The following CYP1A2 variants were observed in gnomAD, a reference collection of about 807,000 sequenced individuals.
CYP1A2 encodes cytochrome P450 1A2.
CYP1A2 carries 35 observed loss-of-function variants against 34.7 expected under a neutral mutation model. The ratio of observed to expected loss-of-function variants is 1.01; its 90% confidence interval spans 0.77 to 1.34. CYP1A2 has a LOEUF of 1.34. Among genes scored for constraint, CYP1A2 ranks in the 40% most tolerant of loss-of-function variants. The pLI, the probability that CYP1A2 is intolerant of heterozygous loss-of-function variation, is 0.00. For synonymous variants in CYP1A2, 288 were observed against 281.9 expected, an observed-to-expected ratio of 1.02 and a Z score of -0.22; for missense variants, 675 against 675.8, an observed-to-expected ratio of 1.00 and a Z score of 0.01.
At chr15:74,751,346 CCTGCTGTT>C (rs1165481762) in intron 3 of CYP1A2, 37 bp downstream of exon 3, 9 of 1,611,412 alleles carry the variant, frequency 5.6e-6, no homozygotes, top group Non-Finnish European at 7.6e-6. Context: ...TCCAACAATG[CCTGCTGTT>C]CACCCACAGC....
At chr15:74,751,662 C>A in intron 3 of CYP1A2, 103 bp from the exon 4 acceptor site, 1 of 1,183,016 alleles carries the variant, frequency 8.5e-7, no homozygotes, top group Non-Finnish European at 1.2e-6. Context: ...AGGCTAGGGC[C>A]AGAGAAAGCT....
intron 3 of CYP1A2, among the ~76,000 whole-genome samples, chr15:74,751,556 G>C (rs143201177): frequency 6.6e-6 from 1 of 152,332 alleles, no homozygotes; most frequent in Non-Finnish European, 1.5e-5. Context: ...TCTCTGGCCT[G>C]TAAGTCTAGG....
chr15:74,753,178 C>T lies in CYP1A2; in HGVS notation c.1167-6C>T, dbSNP rs748970784. On this transcript the variant is annotated splice_polypyrimidine_tract_variant and splice_region_variant and intron_variant, in intron 5 of 6. Coordinates refer to ENST00000343932, the MANE Select transcript of CYP1A2 (RefSeq NM_000761.5). ...TGAGCCTCACAGTGCCCTCTTCCCTCCTCAGCACAACAAGGGACACAACGC... is the reference window on the plus strand; with the variant it reads ...TGAGCCTCACAGTGCCCTCTTCCCTTCTCAGCACAACAAGGGACACAACGC... The T allele has an allele frequency of 6.8e-6, 11 of 1,612,950 alleles. No individual in the cohort carries two copies. The highest frequency in any genetic ancestry group is 9.3e-6 in the Non-Finnish European group (11 of 1,179,254).
chr15:74,750,685 G>A, intron 2 of CYP1A2, 116 bp downstream of exon 2: 3 of 844,756 alleles, frequency 3.6e-6, no homozygotes, highest in Non-Finnish European at 5.6e-6. Flanking sequence ...GGAAGGCTCT[G>A]GACACCTCAG....
In CYP1A2 at chr15:74,751,201, G is replaced by A. The variant is rs746644895; in HGVS notation, c.844G>A (p.Asp282Asn). 1 of 1,614,064 alleles carries A rather than the reference G, an allele frequency of 6.2e-7. No homozygotes were observed. The highest frequency in any genetic ancestry group is 8.5e-7 in the Non-Finnish European group (1 of 1,179,988). The change falls in exon 3 of 7, where the codon GAC (aspartate) becomes AAC (asparagine). Residue 282 changes from aspartate to asparagine, a missense_variant. Transcript: ENST00000343932. ...YQDFDKNSVR[D>N]ITGALFKHSK... ...TGTGCCCCCTCAGAACAGTGTCCGG[G>A]ACATCACGGGTGCCCTGTTCAAGCA...
In CYP1A2 at chr15:74,754,827, G is replaced by C; in HGVS notation, c.1290G>C (p.Glu430Asp). The C allele has an allele frequency of 1.9e-6, 3 of 1,614,128 alleles. No individual in the cohort carries two copies. The highest frequency in any genetic ancestry group is 2.5e-6 in the Non-Finnish European group (3 of 1,179,984). The stretch of plus-strand genomic sequence containing the variant: ...AGGACCCCTCTGAGTTCCGGCCTGA[G>C]CGGTTCCTCACCGCCGATGGCACTG... ...LWEDPSEFRP[E>D]RFLTADGTAI... is the part of the protein sequence containing the mutation. The change falls in exon 7 of 7, where the codon GAG becomes GAC. Residue 430 changes from glutamate to aspartate, a missense_variant. Glu to Asp is a conservative substitution (Grantham distance 45). Transcript: ENST00000343932.
rs45565238 is a variant in CYP1A2 at position 74,749,955 on chromosome 15, G to A, written c.217G>A (p.Gly73Arg). The change falls in exon 2 of 7, where the codon GGG becomes AGG. Residue 73 changes from glycine (G) to arginine (R), a missense_variant. Coordinates refer to ENST00000343932, the MANE Select transcript of CYP1A2 (RefSeq NM_000761.5). The stretch of plus-strand genomic sequence containing the variant: ...ACTGTCAAGGATGAGCCAGCGCTAC[G>A]GGGACGTCCTGCAGATCCGCATTGG... ...LALSRMSQRY[G>R]DVLQIRIGST... The A allele has an allele frequency of 4.7e-4, 757 of 1,613,904 alleles. 2 individuals are homozygous for A. Among genetic ancestry groups the A allele is most frequent in the African/African-American group, 2.1e-3 (160 of 75,052 alleles).
chr15:74,750,350 C>G lies in CYP1A2; in HGVS notation c.612C>G (p.Cys204Trp). The change falls in exon 2 of 7, where the codon TGC becomes TGG. Residue 204 changes from cysteine to tryptophan, a missense_variant. Transcript: ENST00000343932. ...VSVANVIGAM[C>W]FGQHFPESSD... is the part of the protein sequence containing the mutation. ...TGGCCAACGTCATTGGTGCCATGTG[C>G]TTCGGACAGCACTTCCCTGAGAGTA... 6.2e-7 allele frequency: 1 copy of G among 1,614,124 alleles called. No individual in the cohort carries two copies. Among genetic ancestry groups the G allele is most frequent in the Middle Eastern group, 1.7e-4 (1 of 6,060 alleles).
At position 74,754,839 on chromosome 15, in the gene CYP1A2, C is replaced by G; in HGVS notation, c.1302C>G (p.Thr434=). 1 of 1,614,150 alleles carries G rather than the reference C, an allele frequency of 6.2e-7. No individual in the cohort carries two copies. Among genetic ancestry groups the G allele is most frequent in the East Asian group, 2.2e-5 (1 of 44,874 alleles). The change falls in exon 7 of 7, where the codon ACC becomes ACG. Residue 434 remains threonine, a synonymous_variant. Coordinates refer to ENST00000343932, the MANE Select transcript of CYP1A2 (RefSeq NM_000761.5). ...AGTTCCGGCCTGAGCGGTTCCTCAC[C>G]GCCGATGGCACTGCCATTAACAAGC... ...PSEFRPERFL[T]ADGTAINKPL...
rs1374895404 is a variant in CYP1A2, at chr15:74,751,864, G to A, written c.1042+10G>A. On this transcript the variant is annotated intron_variant, in intron 4 of 6. Transcript: ENST00000343932. ...ATCCAGAAGGAGCTGGGTACATGGG[G>A]GCCCCCAACCCTATAGCCAGGAGAA... 4 of 1,613,390 alleles carry A rather than the reference G, an allele frequency of 2.5e-6. No individual in the cohort carries two copies. Among genetic ancestry groups the A allele is most frequent in the Middle Eastern group, 1.6e-4 (1 of 6,074 alleles).
chr15:74,751,233 G>A lies in CYP1A2; in HGVS notation c.876G>A (p.Lys292=), dbSNP rs2063314012. The A allele has an allele frequency of 6.2e-7, 1 of 1,614,146 alleles. No individual in the cohort carries two copies. Among genetic ancestry groups the A allele is most frequent in the Non-Finnish European group, 8.5e-7 (1 of 1,180,008 alleles). ...CGGGTGCCCTGTTCAAGCACAGCAA[G>A]AAGGGGCCTAGAGCCAGCGGCAACC... is the stretch of plus-strand genomic sequence containing the variant. ...DITGALFKHS[K]KGPRASGNLI... is the part of the protein sequence containing the mutation. The change falls in exon 3 of 7, where the codon AAG becomes AAA. Residue 292 remains lysine, a synonymous_variant. Transcript: ENST00000343932.
intron 4 of CYP1A2, 105 bp from the exon 5 acceptor site, chr15:74,752,019 G>A: frequency 1.3e-6 from 2 of 1,564,290 alleles, no homozygotes; most frequent in Non-Finnish European, 1.7e-6. Flanking sequence ...TCGCAGACTT[G>A]TGAATAGACA....
intron 6 of CYP1A2, 61 bp downstream of exon 6, chr15:74,753,331 T>A: frequency 7.3e-7 from 1 of 1,361,458 alleles, no homozygotes; most frequent in Non-Finnish European, 1.0e-6. Flanking sequence ...AGGCTGTTTG[T>A]CCCTGCTAGG....
In CYP1A2 at chr15:74,753,238, C is replaced by G. The variant is rs150839466; in HGVS notation, c.1221C>G (p.Val407=). Residue 407 remains valine, a synonymous_variant, in exon 6 of 7, where the codon GTC becomes GTG. Transcript: ENST00000343932. The part of the protein sequence containing the change: ...NGFYIPKKCC[V]FVNQWQVNHD... Reference sequence around the variant, plus strand: ...TCTACATCCCCAAGAAATGCTGTGTCTTCGTAAACCAGTGGCAGGTCAACC... The same window carrying G: ...TCTACATCCCCAAGAAATGCTGTGTGTTCGTAAACCAGTGGCAGGTCAACC... The G allele has an allele frequency of 4.0e-5, 65 of 1,613,822 alleles. No homozygotes were observed. The highest frequency in any genetic ancestry group is 3.4e-6 in the Non-Finnish European group (4 of 1,179,902).
rs200675446 is a variant in CYP1A2 at position 74,755,350 on chromosome 15, CAAAA to C, written c.*270_*273del. 2.0e-4 allele frequency: 31 copies of C among 151,780 alleles called. No homozygotes were observed. The highest frequency in any genetic ancestry group is 8.6e-4 in the East Asian group (6 of 6,962). The allele number at this position is 151,780 out of a possible 1,614,324, so 9.4% of individuals were successfully genotyped here. On this transcript the variant is annotated 3_prime_UTR_variant, in exon 7 of 7. Coordinates refer to ENST00000343932, the MANE Select transcript of CYP1A2 (RefSeq NM_000761.5). ...TGAGTGACAGAGCAAGACCCCATCT[CAAAA>C]AAAAAAACAAACAAACAAAAAAAAA...
intron 4 of CYP1A2, 118 bp downstream of exon 4, chr15:74,751,972 C>T: frequency 1.3e-6 from 2 of 1,484,618 alleles, no homozygotes; most frequent in South Asian, 2.5e-5. Flanking sequence ...CACAGTAGTG[C>T]CTGCCCTTGC....
At chr15:74,754,667 C>T in intron 6 of CYP1A2, 124 bp from the exon 7 acceptor site, 1 of 880,090 alleles carries the variant, frequency 1.1e-6, no homozygotes. Context: ...TCCTTCCCAC[C>T]TACCCTTCAT....
rs1303192114 is a variant in CYP1A2, at chr15:74,755,062, G to C, written c.1525G>C (p.Ala509Pro). 1.2e-6 allele frequency: 2 copies of C among 1,609,768 alleles called. No homozygotes were observed. Among genetic ancestry groups the C allele is most frequent in the African/African-American group, 1.3e-5 (1 of 74,886 alleles). ...MKHARCEHVQARLRFSIN is the reference protein window; with the variant it reads ...MKHARCEHVQPRLRFSIN ...GCACGCCCGCTGTGAACATGTCCAG[G>C]CGCGGCTGCGCTTCTCCATCAATTG... The change falls in exon 7 of 7, where the codon GCG (alanine) becomes CCG (proline). Residue 509 changes from alanine (A) to proline (P), a missense_variant. Ala to Pro is a conservative substitution (Grantham distance 27). Transcript: ENST00000343932.
Position 74,756,423 on chromosome 15 carries a change from A to G in CYP1A2, c.*1335A>G, listed in dbSNP as rs17861163. Among the ~76,000 whole-genome samples, 725 of 152,038 alleles carry G rather than the reference A, an allele frequency of 4.8e-3. 6 individuals are homozygous for G. Among genetic ancestry groups the G allele is most frequent in the Middle Eastern group, 0.014 (4 of 292 alleles). On this transcript the variant is annotated 3_prime_UTR_variant, in exon 7 of 7. Coordinates refer to ENST00000343932, the MANE Select transcript of CYP1A2 (RefSeq NM_000761.5). ...TGTGAGCCACGGTGCCCGGCCCACA[A>G]TTAATTTTAGAACATTTTCATCACC...
Sources: gnomAD v4.1 joint callset for allele counts (sites outside exome capture counted in the v4.1 genomes callset) on GRCh38, gnomAD v4.1.1 for gene constraint, MANE v1.5 for transcripts, NCBI Gene and HGNC (gene_info 2026-07-23, HGNC 2026-07-21) for gene names.